VSX1: variants seen among roughly 807,000 people sequenced by gnomAD.
VSX1 encodes the protein homeodomain protein RINX.
A neutral mutation model predicts 23.6 loss-of-function variants in VSX1; 23 were observed. The ratio of observed to expected loss-of-function variants is 0.97; its 90% CI spans 0.70 to 1.38. The LOEUF is 1.38. Among genes scored for constraint, VSX1 ranks in the 40% most tolerant of loss-of-function variants. VSX1 has a pLI of 0.00. For missense variants in VSX1, 517 were observed against 495.4 expected, an observed-to-expected ratio of 1.04 and a Z score of -0.41; for synonymous variants, 247 against 215.1, an observed-to-expected ratio of 1.15 and a Z score of -1.30.
chr20:25,078,981 G>A, intron 2 of VSX1, 29 bp from the exon 3 acceptor site: 1 of 1,612,752 alleles, frequency 6.2e-7, no homozygotes, highest in Non-Finnish European at 8.5e-7. Context: ...ACACAGGTGG[G>A]CACATGTCCC....
In VSX1 at chr20:25,076,554, G is replaced by GT. The variant is rs1196234157; in HGVS notation, c.809-5dup. On this transcript the variant is annotated splice_region_variant and splice_polypyrimidine_tract_variant and intron_variant, in intron 4 of 4. Coordinates refer to ENST00000376709, the MANE Select transcript of VSX1 (RefSeq NM_014588.6). Reference sequence around the variant, plus strand: ...CCCATGGATTTTTTATGCATCCCTTGTAAAAAAAAAAATAAAAAGGAAAAA... The same window carrying GT: ...CCCATGGATTTTTTATGCATCCCTTGTTAAAAAAAAAAATAAAAAGGAAAAA... 6.4e-7 allele frequency: 1 copy of GT among 1,555,826 alleles called. No homozygotes were observed. The highest frequency in any genetic ancestry group is 8.6e-7 in the Non-Finnish European group (1 of 1,159,796).
In VSX1 at chr20:25,078,128, CAT is replaced by C. The variant is rs2089551089; in HGVS notation, c.628-265_628-264del. The C allele has an allele frequency of 5.1e-5, 29 of 563,110 alleles. No homozygotes were observed. The South Asian group carries it at 5.9e-4, about 12-fold the overall frequency. The allele number at this position is 563,110 out of a possible 1,614,324, so 34.9% of individuals were successfully genotyped here. ...TTGTGACCACGTCCACTGAAGTTTCCATAGAGTCAGGAATGAAAAAAACTAAA... is the reference window on the plus strand; with the variant it reads ...TTGTGACCACGTCCACTGAAGTTTCCAGAGTCAGGAATGAAAAAAACTAAA... On this transcript the variant is annotated intron_variant, in intron 3 of 4. Coordinates refer to ENST00000376709, the MANE Select transcript of VSX1 (RefSeq NM_014588.6).
chr20:25,077,448 A>C (rs953920602), intron 4 of VSX1, among the ~76,000 whole-genome samples: 2 of 152,274 alleles, frequency 1.3e-5, no homozygotes, highest in African/African-American at 4.8e-5. Context: ...CATATTTAGC[A>C]TGCATAGCCC....
rs1169762405 is a variant in VSX1, at chr20:25,079,471, G to A, written c.468C>T (p.Ser156=). Residue 156 remains serine, a synonymous_variant, in exon 2 of 5, where the codon TCC becomes TCT. Transcript: ENST00000376709. ...GCTTCTTCCTCTTGCCCAAGGTGGGGGATGCCTTTAGGTCATTCCTGTCTT... is the reference window on the plus strand; with the variant it reads ...GCTTCTTCCTCTTGCCCAAGGTGGGAGATGCCTTTAGGTCATTCCTGTCTT... ...QSEDRNDLKA[S]PTLGKRKKRR... The A allele has an allele frequency of 6.2e-7, 1 of 1,613,034 alleles. No homozygotes were observed. Among genetic ancestry groups the A allele is most frequent in the Non-Finnish European group, 8.5e-7 (1 of 1,179,780 alleles).
At position 25,078,083 on chromosome 20, in the gene VSX1, A is replaced by G. The variant is rs2089549493; in HGVS notation, c.628-218T>C. ...CCACGTGCGGTCCGGACTCACGGGC[A>G]TTCAACGCAGTAGGGACACTTGTGA... is the stretch of plus-strand genomic sequence containing the variant. On this transcript the variant is annotated intron_variant, in intron 3 of 4. Transcript: ENST00000376709. 6.5e-6 allele frequency: 4 copies of G among 616,846 alleles called. No homozygotes were observed. In the Admixed American group the frequency reaches 8.8e-5, roughly 14 times the overall value. The allele number at this position is 616,846 out of a possible 1,614,324, so 38.2% of individuals were successfully genotyped here. A position where few individuals can be genotyped will look rare whatever the true frequency, so the allele number is the denominator to read the frequency against.
At chr20:25,079,357 A>C in intron 2 of VSX1, 79 bp downstream of exon 2, 1 of 1,428,328 alleles carries the variant, frequency 7.0e-7, no homozygotes, top group Non-Finnish European at 9.5e-7. Flanking sequence ...CCGGGCCATA[A>C]ATTCTCAGAT....
chr20:25,076,561 AAAAAATAAAAAGGAAAAAAT>A lies in VSX1; in HGVS notation c.809-31_809-12del. 1 of 1,586,606 alleles carries A rather than the reference AAAAAATAAAAAGGAAAAAAT, an allele frequency of 6.3e-7. No individual in the cohort carries two copies. Among genetic ancestry groups the A allele is most frequent in the South Asian group, 1.2e-5 (1 of 84,222 alleles). On this transcript the variant is annotated splice_polypyrimidine_tract_variant and intron_variant, in intron 4 of 4. Transcript: ENST00000376709. The stretch of plus-strand genomic sequence containing the variant: ...ATTTTTTATGCATCCCTTGTAAAAA[AAAAAATAAAAAGGAAAAAAT>A]AAAAATAAAAATTTAAATTCAGCAA...
At chr20:25,073,651 A>G (rs2089427706), downstream of VSX1, among the ~76,000 whole-genome samples, 1 of 152,210 alleles carries the variant, frequency 6.6e-6, no homozygotes, top group South Asian at 2.1e-4. Context: ...TGCAGTGCTG[A>G]CCAATGAGGA....
downstream of VSX1, among the ~76,000 whole-genome samples, chr20:25,074,053 A>T (rs1289850905): frequency 1.3e-5 from 2 of 152,254 alleles, no homozygotes; most frequent in Non-Finnish European, 2.9e-5. Context: ...ATTGTCAAAA[A>T]ATGATAATGA....
At position 25,081,682 on chromosome 20, in the gene VSX1, A is replaced by G; in HGVS notation, c.415T>C (p.Ser139Pro). The stretch of plus-strand genomic sequence containing the variant: ...GCGCGGGCCTGATTACCGGACGTGG[A>G]GACGCTGTCGCTGCGCTTCTGGCGG... The part of the protein sequence containing the change: ...LGRQKRSDSV[S>P]TSDEDSQSED... Residue 139 changes from serine to proline, a missense_variant, in exon 1 of 5, where the codon TCC (serine) becomes CCC (proline). Ser to Pro is a moderately conservative substitution (Grantham distance 74). Transcript: ENST00000376709. The G allele has an allele frequency of 6.6e-7, 1 of 1,517,540 alleles. No individual in the cohort carries two copies. Among genetic ancestry groups the G allele is most frequent in the Non-Finnish European group, 8.8e-7 (1 of 1,139,564 alleles). The allele number at this position is 1,517,540 out of a possible 1,614,324, so 94.0% of individuals were successfully genotyped here. A position where few individuals can be genotyped will look rare whatever the true frequency, so the allele number is the denominator to read the frequency against.
At chr20:25,071,954 C>T, downstream of VSX1, 1 of 648,024 alleles carries the variant, frequency 1.5e-6, no homozygotes, top group Non-Finnish European at 2.8e-6. Context: ...ACCACGGGGT[C>T]TGGGGAGCCT....
Position 25,081,664 on chromosome 20 carries a change from C to G in VSX1, c.424+9G>C, listed in dbSNP as rs750410426. On this transcript the variant is annotated intron_variant, in intron 1 of 4. Coordinates refer to ENST00000376709, the MANE Select transcript of VSX1 (RefSeq NM_014588.6). ...CAGGGGCAGGAGCGGAAAGCGCGGG[C>G]CTGATTACCGGACGTGGAGACGCTG... 14 of 1,522,568 alleles carry G rather than the reference C, an allele frequency of 9.2e-6. No individual in the cohort carries two copies. The highest frequency in any genetic ancestry group is 1.4e-5 in the African/African-American group (1 of 71,722). 94.3% of individuals were successfully genotyped at this position (1,522,568 alleles called of 1,614,324 possible).
At chr20:25,073,445 C>G (rs1329119724), downstream of VSX1, among the ~76,000 whole-genome samples, 1 of 152,138 alleles carries the variant, frequency 6.6e-6, no homozygotes, top group East Asian at 1.9e-4. Context: ...TAGGGATGAC[C>G]TATTGGTTGG....
rs761561448 is a variant in VSX1 at position 25,076,405 on chromosome 20, C to T, written c.954G>A (p.Glu318=). ...CAATAGCCACATCTTCCAAGCCATT[C>T]TCAGGGCTCACTTTATCTGAGCCTC... ...SQRGSDKVSP[E]NGLEDVAIDL... is the part of the protein sequence containing the mutation. The change falls in exon 5 of 5, where the codon GAG becomes GAA. Residue 318 remains glutamate, a synonymous_variant. Coordinates refer to ENST00000376709, the MANE Select transcript of VSX1 (RefSeq NM_014588.6). 1.2e-6 allele frequency: 2 copies of T among 1,614,122 alleles called. No individual in the cohort carries two copies. The highest frequency in any genetic ancestry group is 2.2e-5 in the South Asian group (2 of 91,076).
At chr20:25,076,585 A>C in intron 4 of VSX1, 35 bp from the exon 5 acceptor site, 1 of 1,566,004 alleles carries the variant, frequency 6.4e-7, no homozygotes, top group South Asian at 1.2e-5. Context: ...AAAAAATAAA[A>C]ATAAAAATTT....
At chr20:25,081,444 C>A in intron 1 of VSX1, 1 of 795,104 alleles carries the variant, frequency 1.3e-6, no homozygotes, top group Non-Finnish European at 2.2e-6. Flanking sequence ...GGCGGTCTCA[C>A]ATCGCTGAGG....
At chr20:25,074,494 T>C (rs2089445431), downstream of VSX1, among the ~76,000 whole-genome samples, 1 of 152,246 alleles carries the variant, frequency 6.6e-6, no homozygotes, top group African/African-American at 2.4e-5. Flanking sequence ...TAATATTACA[T>C]AGAGATTTGT....
downstream of VSX1, chr20:25,071,658 G>A: frequency 1.7e-6 from 1 of 596,472 alleles, no homozygotes; most frequent in Non-Finnish European, 3.1e-6. Flanking sequence ...TTCTGCACCT[G>A]TCACTAGGAC....
At chr20:25,079,024 C>T (rs2089579060) in intron 2 of VSX1, 72 bp from the exon 3 acceptor site, 2 of 1,591,308 alleles carry the variant, frequency 1.3e-6, no homozygotes, top group East Asian at 4.5e-5. Context: ...CCTTAAGGAC[C>T]ACCGTGCCTG....
Sources: allele counts gnomAD v4.1 joint callset (sites outside exome capture counted in the v4.1 genomes callset), GRCh38; gene constraint gnomAD v4.1.1; transcripts MANE v1.5; gene names NCBI Gene and HGNC (gene_info 2026-07-23, HGNC 2026-07-21).